CPNE4: variants seen among roughly 807,000 people sequenced by gnomAD.
The protein encoded by CPNE4 is copine 4.
A neutral mutation model predicts 67.9 loss-of-function variants in CPNE4; 25 were observed. The ratio of observed to expected loss-of-function variants is 0.37; its 90% CI spans 0.27 to 0.51. The LOEUF is 0.51. Ranked by LOEUF, CPNE4 falls within the 20% of genes least tolerant of loss-of-function variation. CPNE4 has a pLI of 0.93. For missense variants in CPNE4, 464 were observed against 690.8 expected, an observed-to-expected ratio of 0.67 and a Z score of 3.68; for synonymous variants, 242 against 244.9, an observed-to-expected ratio of 0.99 and a Z score of 0.11.
At position 131,771,527 on chromosome 3, in the gene CPNE4, C is replaced by G. The variant is rs1282434138; in HGVS notation, c.181-47902G>C. ...AAAAGGCCTGGCACCTCCCCTCTCCCCTCTTGCTTCTTCTCTCGCCATATG... is the reference window on the plus strand; with the variant it reads ...AAAAGGCCTGGCACCTCCCCTCTCCGCTCTTGCTTCTTCTCTCGCCATATG... On this transcript the variant is annotated intron_variant, in intron 2 of 15. Coordinates refer to ENST00000429747, the MANE Select transcript of CPNE4 (RefSeq NM_130808.3). 2.0e-5 allele frequency among the ~76,000 whole-genome samples: 3 copies of G among 152,070 alleles called. No individual in the cohort carries two copies. The East Asian group carries it at 5.8e-4, about 29-fold the overall frequency.
intron 3 of CPNE4, among the ~76,000 whole-genome samples, chr3:131,722,661 C>G (rs936722520): frequency 6.6e-6 from 1 of 152,154 alleles, no homozygotes; most frequent in South Asian, 2.1e-4. Context: ...ATGAACTGCT[C>G]TATTTGAAGT....
At chr3:132,003,591 ACCT>A (rs2073510946) in intron 1 of CPNE4, among the ~76,000 whole-genome samples, 1 of 56,066 alleles carries the variant, frequency 1.8e-5, no homozygotes, top group Non-Finnish European at 5.9e-5. Context: ...TGGGTGACAG[ACCT>A]TCTGCTCACC....
At chr3:131,565,827 A>AAT (rs1937027808) in intron 10 of CPNE4, among the ~76,000 whole-genome samples, 1 of 151,790 alleles carries the variant, frequency 6.6e-6, no homozygotes, top group Non-Finnish European at 1.5e-5. Flanking sequence ...GTAAAAAAAA[A>AAT]AAAAAAAAGG....
chr3:131,946,477 G>T (rs1053096906), intron 1 of CPNE4, among the ~76,000 whole-genome samples: 7 of 152,144 alleles, frequency 4.6e-5, no homozygotes, highest in African/African-American at 1.7e-4. Flanking sequence ...GAATAGTGCA[G>T]CCCTGAACGT....
chr3:131,776,033 C>T (rs1376047117), intron 2 of CPNE4, among the ~76,000 whole-genome samples: 1 of 152,170 alleles, frequency 6.6e-6, no homozygotes, highest in South Asian at 2.1e-4. Flanking sequence ...CACATTCAGG[C>T]TCTGGGCCCA....
intron 7 of CPNE4, among the ~76,000 whole-genome samples, chr3:131,591,486 A>T (rs1172299339): frequency 1.3e-5 from 2 of 152,050 alleles, no homozygotes; most frequent in Non-Finnish European, 2.9e-5. Context: ...TTCCCCCTTA[A>T]GCTGCCAACC....
At chr3:131,918,824 A>C (rs1170121130) in intron 1 of CPNE4, among the ~76,000 whole-genome samples, 1 of 152,244 alleles carries the variant, frequency 6.6e-6, no homozygotes, top group Non-Finnish European at 1.5e-5. Flanking sequence ...TTTAATCACA[A>C]AAACACATTA....
intron 2 of CPNE4, among the ~76,000 whole-genome samples, chr3:131,754,814 G>A (rs763802767): frequency 1.3e-5 from 2 of 152,154 alleles, no homozygotes; most frequent in Non-Finnish European, 2.9e-5. Context: ...AACATCAGAT[G>A]TTTTCAAGAG....
chr3:131,973,677 T>A (rs1486558845), intron 1 of CPNE4, among the ~76,000 whole-genome samples: 1 of 152,206 alleles, frequency 6.6e-6, no homozygotes, highest in Admixed American at 6.5e-5. Context: ...GTATACTGAA[T>A]GACTTCTCCC....
intron 2 of CPNE4, among the ~76,000 whole-genome samples, chr3:131,881,421 A>G (rs2087669801): frequency 6.6e-6 from 1 of 151,912 alleles, no homozygotes; most frequent in South Asian, 2.1e-4. Context: ...GTTCTTTCCT[A>G]AACTCTTTGA....
intron 3 of CPNE4, among the ~76,000 whole-genome samples, chr3:131,703,711 A>C (rs1348252270): frequency 6.6e-6 from 1 of 151,260 alleles, no homozygotes; most frequent in East Asian, 1.9e-4. Context: ...TTTTTATTGA[A>C]AATATTTTCA....
chr3:131,974,777 G>A (rs1275978280), intron 1 of CPNE4, among the ~76,000 whole-genome samples: 2 of 152,132 alleles, frequency 1.3e-5, no homozygotes, highest in African/African-American at 4.8e-5. Context: ...GGAGGCTAAG[G>A]CAGGTGGATT....
chr3:131,693,300 T>C (rs1168005230), intron 5 of CPNE4, among the ~76,000 whole-genome samples: 1 of 152,210 alleles, frequency 6.6e-6, no homozygotes, highest in Non-Finnish European at 1.5e-5. Flanking sequence ...GCTTTTGTTT[T>C]GTTGTATGTA....
chr3:131,596,122 A>T (rs1327031186), intron 7 of CPNE4, among the ~76,000 whole-genome samples: 2 of 152,098 alleles, frequency 1.3e-5, no homozygotes, highest in African/African-American at 4.8e-5. Context: ...TTAAGTGAGT[A>T]GATCTCATTT....
intron 1 of CPNE4, among the ~76,000 whole-genome samples, chr3:131,908,259 C>T (rs1025723043): frequency 6.6e-6 from 1 of 152,008 alleles, no homozygotes; most frequent in African/African-American, 2.4e-5. Flanking sequence ...CTTCATAAAC[C>T]ATTTTCCTTC....
At chr3:131,952,501 G>T (rs554158603) in intron 1 of CPNE4, among the ~76,000 whole-genome samples, 1 of 93,680 alleles carries the variant, frequency 1.1e-5, no homozygotes, top group African/African-American at 2.8e-5. Context: ...CAGGCCAGCC[G>T]CCCCATCCGG....
chr3:131,912,323 G>C lies in CPNE4; in HGVS notation c.-1-6879C>G, dbSNP rs183927801. Among the ~76,000 whole-genome samples, 130 of 152,246 alleles carry C rather than the reference G, an allele frequency of 8.5e-4. 1 individual carries two copies. Among genetic ancestry groups the C allele is most frequent in the Non-Finnish European group, 1.4e-3 (98 of 68,012 alleles). ...CAAAGACAATAGAGAACTCAAGAGG[G>C]AAGAGAATCAGCTTGAGTTCACAGG... On this transcript the variant is annotated intron_variant, in intron 1 of 15. Transcript: ENST00000429747.
At chr3:131,854,699 A>C (rs2086367951) in intron 2 of CPNE4, among the ~76,000 whole-genome samples, 1 of 151,724 alleles carries the variant, frequency 6.6e-6, no homozygotes, top group Non-Finnish European at 1.5e-5. Context: ...CTTTAGGCAG[A>C]GGGTGTGTGT....
At chr3:131,969,634 C>A (rs2072450876) in intron 1 of CPNE4, among the ~76,000 whole-genome samples, 1 of 152,092 alleles carries the variant, frequency 6.6e-6, no homozygotes, top group African/African-American at 2.4e-5. Context: ...CGGTAACTTA[C>A]CAACCATCTT....
Sources: allele counts gnomAD v4.1 joint callset (sites outside exome capture counted in the v4.1 genomes callset), GRCh38; gene constraint gnomAD v4.1.1; transcripts MANE v1.5; gene names NCBI Gene and HGNC (gene_info 2026-07-23, HGNC 2026-07-21).